DLC1: variants seen among roughly 807,000 people sequenced by gnomAD.
The protein encoded by DLC1 is DLC1 Rho GTPase activating protein, also known as rho GTPase-activating protein 7.
In DLC1, 54 loss-of-function variants were observed where a neutral mutation model predicts 140.3. That is an observed-to-expected ratio of 0.38 (90% CI 0.31 to 0.48). The LOEUF is 0.48. Among genes scored for constraint, DLC1 ranks in the 20% least tolerant of loss-of-function variants. The pLI is 0.96. For missense variants in DLC1, 2,536 were observed against 1,907.0 expected (o/e 1.33, Z -6.14); for synonymous variants, 986 against 728.1 (o/e 1.35, Z -5.70).
chr8:13,524,693 A>G (rs1802867081), intron 1 of DLC1, among the ~76,000 whole-genome samples: 1 of 146,282 alleles, frequency 6.8e-6, no homozygotes, highest in South Asian at 2.2e-4. Context: ...ATTTTCAGGT[A>G]GTATATTTCT....
chr8:13,190,418 A>G (rs56386408), intron 5 of DLC1, among the ~76,000 whole-genome samples: 27,806 of 151,992 alleles, frequency 0.18, 2,773 homozygotes, highest in African/African-American at 0.24. Context: ...TCTGGTGTCA[A>G]TGCCACATAA....
chr8:13,417,256 T>A (rs1838108930), intron 2 of DLC1, among the ~76,000 whole-genome samples: 1 of 151,988 alleles, frequency 6.6e-6, no homozygotes, highest in East Asian at 1.9e-4. Context: ...ATGTGCACAA[T>A]GTGCAGGTTA....
At chr8:13,276,406 C>T (rs1217078118) in intron 5 of DLC1, 2 of 1,478,404 alleles carry the variant, frequency 1.4e-6, no homozygotes, top group Non-Finnish European at 1.8e-6. Context: ...CCCATCCGCT[C>T]GCAGACGCCT....
At chr8:13,248,777 C>T (rs947541573) in intron 5 of DLC1, among the ~76,000 whole-genome samples, 3 of 152,178 alleles carry the variant, frequency 2.0e-5, no homozygotes, top group Admixed American at 6.5e-5. Context: ...CTTGAACACG[C>T]ATTCTCCATT....
intron 4 of DLC1, among the ~76,000 whole-genome samples, chr8:13,332,101 T>G (rs1025419631): frequency 6.6e-6 from 1 of 152,216 alleles, no homozygotes; most frequent in Non-Finnish European, 1.5e-5. Context: ...AAACCTTGAT[T>G]GGACATGGAA....
chr8:13,163,842 CA>C (rs1295929363), intron 5 of DLC1, among the ~76,000 whole-genome samples: 5 of 151,962 alleles, frequency 3.3e-5, no homozygotes, highest in Non-Finnish European at 7.4e-5. Flanking sequence ...AAAACAACAA[CA>C]GAATAACCCC....
chr8:13,293,741 C>T (rs1409398269), intron 5 of DLC1, among the ~76,000 whole-genome samples: 2 of 152,068 alleles, frequency 1.3e-5, no homozygotes, highest in Admixed American at 6.6e-5. Context: ...CTGCAGAGAC[C>T]TGGGAAGACC....
At chr8:13,440,093 T>C (rs936134629) in intron 2 of DLC1, among the ~76,000 whole-genome samples, 4 of 152,238 alleles carry the variant, frequency 2.6e-5, no homozygotes, top group African/African-American at 4.8e-5. Flanking sequence ...TACTAGTTTC[T>C]TTACTGCAGG....
chr8:13,422,350 C>A (rs953154150), intron 2 of DLC1, among the ~76,000 whole-genome samples: 4 of 151,358 alleles, frequency 2.6e-5, no homozygotes, highest in African/African-American at 7.3e-5. Flanking sequence ...GAGAACCAGA[C>A]CACAAAGTAG....
chr8:13,086,338 C>G lies in DLC1; in HGVS notation c.4418G>C (p.Cys1473Ser), dbSNP rs1228838808. The change falls in exon 17 of 18, where the codon TGT (cysteine) becomes TCT (serine). Residue 1473 changes from cysteine to serine, a missense_variant. By Grantham distance (112) the Cys-to-Ser change is moderately radical. Coordinates refer to ENST00000276297, the MANE Select transcript of DLC1 (RefSeq NM_182643.3). ...VLLSRYLIEP[C>S]GPGKSKLTYM... ...GGTGAGTTTGGATTTTCCTGGCCCA[C>G]AGGGTTCAATCAAATACCTGGACAA... The G allele has an allele frequency of 1.9e-6, 3 of 1,614,224 alleles. No individual in the cohort carries two copies. The highest frequency in any genetic ancestry group is 8.5e-7 in the Non-Finnish European group (1 of 1,180,044).
At chr8:13,336,289 G>A (rs1454939) in intron 4 of DLC1, among the ~76,000 whole-genome samples, 130,063 of 152,024 alleles carry the variant, frequency 0.86, 56,055 homozygotes, top group East Asian at 0.95. Flanking sequence ...CCAAGACACT[G>A]TGGTTGATTA....
rs368587977 is a variant in DLC1 at position 13,496,367 on chromosome 8, G to A, written c.1023+2682C>T. Among the ~76,000 whole-genome samples the A allele has an allele frequency of 2.4e-3, 358 of 152,172 alleles. 11 individuals carry two copies. In the South Asian group the frequency reaches 0.065, roughly 28 times the overall value. ...ATATACTAAATATTATTTTATTTTT[G>A]TGTTTCTGTTCAGTGTATGCATTTC... On this transcript the variant is annotated intron_variant, in intron 2 of 17. Transcript: ENST00000276297.
intron 2 of DLC1, among the ~76,000 whole-genome samples, chr8:13,439,446 C>G (rs1353624968): frequency 1.3e-5 from 2 of 152,144 alleles, no homozygotes; most frequent in African/African-American, 4.8e-5. Context: ...ACTCCATTTT[C>G]TTTTATTCAT....
chr8:13,103,197 G>C (rs1819248445), intron 7 of DLC1, among the ~76,000 whole-genome samples: 1 of 151,992 alleles, frequency 6.6e-6, no homozygotes, highest in Admixed American at 6.6e-5. Context: ...TGTAGTCCCA[G>C]CTACTCAGGA....
At chr8:13,394,286 G>C (rs17805260) in intron 3 of DLC1, among the ~76,000 whole-genome samples, 6 of 152,198 alleles carry the variant, frequency 3.9e-5, no homozygotes, top group African/African-American at 1.4e-4. Context: ...TTTGAAAATG[G>C]GTATAATGAT....
At chr8:13,289,516 A>C (rs564437002) in intron 5 of DLC1, among the ~76,000 whole-genome samples, 1 of 152,194 alleles carries the variant, frequency 6.6e-6, no homozygotes, top group African/African-American at 2.4e-5. Flanking sequence ...TTTTTTGTAG[A>C]GGCAAGCTCT....
intron 4 of DLC1, among the ~76,000 whole-genome samples, chr8:13,314,701 A>T (rs188012396): frequency 4.6e-5 from 7 of 152,224 alleles, no homozygotes; most frequent in African/African-American, 1.7e-4. Flanking sequence ...GAAGCTCAAA[A>T]CATAAACCAT....
intron 1 of DLC1, 35 bp from the exon 2 acceptor site, chr8:13,500,231 A>G (rs1192671197): frequency 6.6e-6 from 4 of 607,690 alleles, no homozygotes; most frequent in Non-Finnish European, 1.1e-5. Flanking sequence ...GTAGTCGCAG[A>G]TACGTTTCTA....
intron 5 of DLC1, among the ~76,000 whole-genome samples, chr8:13,169,441 A>G (rs1030137839): frequency 1.3e-4 from 20 of 152,236 alleles, no homozygotes; most frequent in Non-Finnish European, 2.6e-4. Context: ...GTAACTTTAG[A>G]GCTAATATGG....
Sources: allele counts gnomAD v4.1 joint callset (sites outside exome capture counted in the v4.1 genomes callset), GRCh38; gene constraint gnomAD v4.1.1; transcripts MANE v1.5; gene names NCBI Gene and HGNC (gene_info 2026-07-23, HGNC 2026-07-21).